The following MYO1H variants were observed in gnomAD, a reference collection of about 807,000 sequenced individuals.
The protein encoded by MYO1H is unconventional myosin-Ih.
Under a neutral mutation model 149.3 loss-of-function variants are expected in MYO1H, and 118 were observed. That is an observed-to-expected ratio of 0.79 (90% CI 0.68 to 0.92). The LOEUF is 0.92. Ranked by LOEUF, MYO1H falls within the 40% of genes least tolerant of loss-of-function variation. The pLI is 0.00. For missense variants in MYO1H, 1,212 were observed against 1,280.7 expected (o/e 0.95, Z 0.82); for synonymous variants, 447 against 465.2 (o/e 0.96, Z 0.50).
chr12:109,315,883 C>G, the MYO1H span, among the ~76,000 whole-genome samples: 1 of 152,210 alleles, frequency 6.6e-6, no homozygotes, highest in East Asian at 1.9e-4. Flanking sequence ...ATGAGTTATC[C>G]TCTCAAACAG....
At chr12:109,433,508 A>C (rs1490477661) in intron 20 of MYO1H, among the ~76,000 whole-genome samples, 2 of 152,218 alleles carry the variant, frequency 1.3e-5, no homozygotes, top group Non-Finnish European at 2.9e-5. Context: ...TGAATCGGGA[A>C]GATCCGAGTC....
chr12:109,447,449 A>T (rs1872532319), exon 32 of MYO1H: 1 of 577,778 alleles, frequency 1.7e-6, no homozygotes, highest in Non-Finnish European at 3.1e-6. Context: ...CCTCGACAGG[A>T]TCTATGTTCA....
Position 109,442,519 on chromosome 12 carries a change from T to G in MYO1H, c.2688+247T>G, listed in dbSNP as rs140258809. On this transcript the variant is annotated intron_variant, in intron 27 of 31. Coordinates refer to ENST00000310903, the Ensembl canonical transcript of MYO1H. The stretch of plus-strand genomic sequence containing the variant: ...TGTCTTGGTTTGCTTTCCTACAAAA[T>G]TGAATGAAGTGTAGCCATGAACTTA... Among the ~76,000 whole-genome samples, 186 of 152,280 alleles carry G rather than the reference T, an allele frequency of 1.2e-3. 3 individuals carry two copies. The highest frequency in any genetic ancestry group is 4.2e-3 in the African/African-American group (175 of 41,552).
intron 1 of MYO1H, among the ~76,000 whole-genome samples, chr12:109,368,869 AGTACCCAGC>A (rs1336872849): frequency 5.9e-5 from 9 of 151,854 alleles, no homozygotes; most frequent in Non-Finnish European, 1.2e-4. Flanking sequence ...CATGTCCATG[AGTACCCAGC>A]GTTTAGCTCC....
At chr12:109,374,174 T>G (rs1176723423) in intron 1 of MYO1H, among the ~76,000 whole-genome samples, 4 of 152,212 alleles carry the variant, frequency 2.6e-5, no homozygotes, top group Non-Finnish European at 4.4e-5. Context: ...TAAACATTTT[T>G]GTTGAATCTA....
chr12:109,447,569 G>A (rs888190), exon 32 of MYO1H: 56,033 of 251,228 alleles, frequency 0.22, 6,768 homozygotes, highest in Non-Finnish European at 0.26. Context: ...ATAACATTTC[G>A]TTATATGTTG....
chr12:109,340,925 G>A, the MYO1H span, among the ~76,000 whole-genome samples: 1 of 152,104 alleles, frequency 6.6e-6, no homozygotes, highest in African/African-American at 2.4e-5. Context: ...AGTGGCTCAT[G>A]CCAGTAATCC....
At chr12:109,391,209 A>G (rs746079000) in intron 2 of MYO1H, among the ~76,000 whole-genome samples, 2 of 152,112 alleles carry the variant, frequency 1.3e-5, no homozygotes, top group Non-Finnish European at 2.9e-5. Flanking sequence ...TGCATTAGCT[A>G]TTCTTCCTGA....
chr12:109,388,449 TTAGAA>T (rs1193758608), intron 1 of MYO1H, among the ~76,000 whole-genome samples: 1 of 152,190 alleles, frequency 6.6e-6, no homozygotes, highest in African/African-American at 2.4e-5. Flanking sequence ...AGTCAAGTGT[TTAGAA>T]TAGTACCTAG....
chr12:109,396,231 G>C (rs960582976), intron 3 of MYO1H, among the ~76,000 whole-genome samples, 153 bp from the exon 4 acceptor site: 1 of 152,080 alleles, frequency 6.6e-6, no homozygotes, highest in Non-Finnish European at 1.5e-5. Flanking sequence ...CCTATGGAAA[G>C]GGTTTGATAT....
intron 30 of MYO1H, 70 bp from the exon 31 acceptor site, chr12:109,445,443 C>T: frequency 8.7e-7 from 1 of 1,150,182 alleles, no homozygotes; most frequent in Non-Finnish European, 1.3e-6. Flanking sequence ...AAGTGAATTT[C>T]TTCTGTAGAC....
chr12:109,396,818 T>G lies in MYO1H; in HGVS notation c.489+236T>G, dbSNP rs1225581859. Among the ~76,000 whole-genome samples, 6 of 89,986 alleles carry G rather than the reference T, an allele frequency of 6.7e-5. 1 individual carries two copies. The highest frequency in any genetic ancestry group is 1.4e-4 in the Non-Finnish European group (6 of 41,710). The allele number at this position is 89,986 out of a possible 152,430, so 59.0% of individuals were successfully genotyped here. On this transcript the variant is annotated intron_variant, in intron 4 of 31. Coordinates refer to ENST00000310903, the Ensembl canonical transcript of MYO1H. The stretch of plus-strand genomic sequence containing the variant: ...TTTGGTTTTTGTTTTGGTTTCGTTT[T>G]TTTTTTTTTTTTTTTTTTTTTTTTT...
intron 14 of MYO1H, 108 bp from the exon 15 acceptor site, chr12:109,415,418 G>A (rs932648367): frequency 5.0e-5 from 50 of 998,308 alleles, no homozygotes; most frequent in Non-Finnish European, 7.0e-5. Flanking sequence ...GGAGGTTGCC[G>A]TGAGCCAAGA....
At chr12:109,407,600 C>CAAA (rs776897477) in intron 9 of MYO1H, among the ~76,000 whole-genome samples, 194 bp from the exon 10 acceptor site, 68 of 68,060 alleles carry the variant, frequency 1.0e-3, no homozygotes, top group Non-Finnish European at 1.5e-3. Flanking sequence ...CACATTTCTA[C>CAAA]AAAAAAAAAA....
At chr12:109,344,089 T>G (rs146722621), upstream of MYO1H, among the ~76,000 whole-genome samples, 1,433 of 152,290 alleles carry the variant, frequency 9.4e-3, 67 homozygotes, top group Admixed American at 0.072. Flanking sequence ...TGCCCCAATA[T>G]TTAAATTTGT....
chr12:109,311,873 G>A, the MYO1H span, among the ~76,000 whole-genome samples: 1 of 152,172 alleles, frequency 6.6e-6, no homozygotes, highest in African/African-American at 2.4e-5. Context: ...GAAAGAAAAA[G>A]CAATAGGTAT....
intron 1 of MYO1H, among the ~76,000 whole-genome samples, chr12:109,356,192 G>A (rs1012685752): frequency 3.8e-4 from 58 of 152,154 alleles, no homozygotes; most frequent in Middle Eastern, 6.8e-3. Flanking sequence ...AGACTGAGAT[G>A]AAAAAACAAA....
In MYO1H at chr12:109,400,962, T is replaced by C. The variant is rs565071036; in HGVS notation, c.571-131T>C. Reference sequence around the variant, plus strand: ...AAATACTAATGACAGAAGATTGATATGTCCAAAAAAAAGAAAGAAGATTGA... The same window carrying C: ...AAATACTAATGACAGAAGATTGATACGTCCAAAAAAAAGAAAGAAGATTGA... On this transcript the variant is annotated intron_variant, in intron 5 of 31. Transcript: ENST00000310903. 27 of 809,432 alleles carry C rather than the reference T, an allele frequency of 3.3e-5. No homozygotes were observed. In the South Asian group the frequency reaches 5.6e-4, roughly 17 times the overall value. The allele number at this position is 809,432 out of a possible 1,614,324, so 50.1% of individuals were successfully genotyped here.
chr12:109,333,129 G>T, the MYO1H span, among the ~76,000 whole-genome samples: 48 of 152,150 alleles, frequency 3.2e-4, no homozygotes, highest in Non-Finnish European at 6.0e-4. Context: ...AGACCAGCCT[G>T]GCCAACATGG....
Sources: gnomAD v4.1 joint callset for allele counts (sites outside exome capture counted in the v4.1 genomes callset) on GRCh38, gnomAD v4.1.1 for gene constraint, MANE v1.5 for transcripts, NCBI Gene and HGNC (gene_info 2026-07-23, HGNC 2026-07-21) for gene names.